NF1: variants seen among roughly 807,000 people sequenced by gnomAD.
The protein encoded by NF1 is neurofibromin 1.
NF1 carries 122 observed loss-of-function variants against 325.7 expected under a neutral mutation model. The observed-to-expected ratio is 0.37, with a 90% confidence interval of 0.32 to 0.44. The LOEUF (loss-of-function observed/expected upper bound fraction) is 0.44. NF1 is among the 20% of genes least tolerant of loss of function. NF1 has a pLI of 1.00. For missense variants in NF1, 2,140 were observed against 3,415.4 expected (o/e 0.63, Z 9.31); for synonymous variants, 1,091 against 1,186.0 (o/e 0.92, Z 1.65).
At chr17:31,117,082 A>G (rs1913983675) in intron 1 of NF1, among the ~76,000 whole-genome samples, 1 of 151,320 alleles carries the variant, frequency 6.6e-6, no homozygotes, top group African/African-American at 2.4e-5. Flanking sequence ...CCTGAGTTCA[A>G]GCAATTCTCC....
chr17:31,246,183 G>C (rs1277820306), intron 29 of NF1, among the ~76,000 whole-genome samples: 2 of 152,212 alleles, frequency 1.3e-5, no homozygotes, highest in African/African-American at 4.8e-5. Flanking sequence ...CTCAGCACCT[G>C]ATACTAAGAT....
chr17:31,185,050 C>T (rs2066213994), intron 8 of NF1, among the ~76,000 whole-genome samples: 1 of 152,176 alleles, frequency 6.6e-6, no homozygotes, highest in South Asian at 2.1e-4. Context: ...TGGCAACATC[C>T]CCTCCCTGAG....
chr17:31,314,924 C>T lies in NF1; in HGVS notation c.4836-10896C>T, dbSNP rs371650812. On this transcript the variant is annotated intron_variant, in intron 36 of 57. Transcript: ENST00000358273. ...TACTGATTTACATTCCCACTAACAG[C>T]GTACGAGAGTTCCATTTTCTCCACA... Among the ~76,000 whole-genome samples, 16 of 152,254 alleles carry T rather than the reference C, an allele frequency of 1.1e-4. 1 individual carries two copies. Among genetic ancestry groups the T allele is most frequent in the African/African-American group, 3.4e-4 (14 of 41,548 alleles).
At chr17:31,368,942 T>C (rs2070582465) in intron 57 of NF1, among the ~76,000 whole-genome samples, 1 of 152,230 alleles carries the variant, frequency 6.6e-6, no homozygotes, top group Admixed American at 6.5e-5. Context: ...ATAAACTAAA[T>C]GCAGAGTAAG....
intron 36 of NF1, among the ~76,000 whole-genome samples, chr17:31,325,027 A>G (rs2069306352): frequency 2.0e-5 from 3 of 152,168 alleles, no homozygotes; most frequent in Admixed American, 6.5e-5. Context: ...GGGCTTTTTC[A>G]TGGTCCTCAC....
chr17:31,165,290 T>G (rs1468717931), intron 4 of NF1, among the ~76,000 whole-genome samples: 1 of 152,222 alleles, frequency 6.6e-6, no homozygotes, highest in African/African-American at 2.4e-5. Flanking sequence ...GTCTAAAATT[T>G]TATTAGCTTT....
chr17:31,172,116 G>A (rs2065936519), intron 5 of NF1, among the ~76,000 whole-genome samples: 6 of 152,080 alleles, frequency 3.9e-5, no homozygotes, highest in Admixed American at 3.9e-4. Flanking sequence ...TGGGGAAGCC[G>A]AGGCAGGAGG....
chr17:31,257,992 A>T (rs1567861653), intron 31 of NF1, among the ~76,000 whole-genome samples: 1 of 152,096 alleles, frequency 6.6e-6, no homozygotes, highest in Non-Finnish European at 1.5e-5. Flanking sequence ...AATCTTAGTA[A>T]ATTATGATCA....
At chr17:31,231,529 G>A (rs573695711) in intron 24 of NF1, among the ~76,000 whole-genome samples, 2 of 152,142 alleles carry the variant, frequency 1.3e-5, no homozygotes, top group East Asian at 1.9e-4. Context: ...AAAATCCACA[G>A]ATGCTCAAGT....
chr17:31,338,282 G>C, intron 45 of NF1, 143 bp downstream of exon 45: 2 of 691,148 alleles, frequency 2.9e-6, no homozygotes, highest in Non-Finnish European at 5.1e-6. Context: ...AATGTATTTT[G>C]ATTATTTATT....
intron 1 of NF1, among the ~76,000 whole-genome samples, chr17:31,144,601 A>C (rs2143553031): frequency 6.6e-6 from 1 of 152,182 alleles, no homozygotes; most frequent in African/African-American, 2.4e-5. Flanking sequence ...CTGGCTCCTC[A>C]GTGTTTCTTG....
chr17:31,163,140 A>C, intron 3 of NF1, 46 bp from the exon 4 acceptor site: 1 of 1,589,156 alleles, frequency 6.3e-7, no homozygotes, highest in Non-Finnish European at 8.6e-7. Context: ...GAAAATGTTT[A>C]CAGGTAAAAT....
intron 57 of NF1, among the ~76,000 whole-genome samples, chr17:31,362,941 T>TA (rs1247811108): frequency 6.6e-6 from 1 of 152,230 alleles, no homozygotes; most frequent in Non-Finnish European, 1.5e-5. Context: ...GAAACAGTCT[T>TA]ACTCTACAAC....
intron 52 of NF1, 76 bp from the exon 53 acceptor site, chr17:31,356,884 T>G: frequency 6.3e-7 from 1 of 1,584,356 alleles, no homozygotes; most frequent in Non-Finnish European, 8.6e-7. Context: ...TGTTGAATTT[T>G]AGAAGTAACA....
At chr17:31,278,493 CTTTTTTTTTTTTTTTT>C (rs200450821) in intron 36 of NF1, among the ~76,000 whole-genome samples, 613 of 15,236 alleles carry the variant, frequency 0.04, 1 homozygote, top group Non-Finnish European at 0.054. Flanking sequence ...GTAATTGAAG[CTTTTTTTTTTTTTTTT>C]TTTTTTTTTT....
intron 14 of NF1, among the ~76,000 whole-genome samples, chr17:31,221,196 G>T (rs1040383866): frequency 4.6e-5 from 7 of 151,758 alleles, no homozygotes; most frequent in Non-Finnish European, 7.4e-5. Flanking sequence ...TATCTTTGAT[G>T]GTTTTAATTT....
At chr17:31,326,572 G>A (rs887189412) in intron 37 of NF1, among the ~76,000 whole-genome samples, 1 of 152,060 alleles carries the variant, frequency 6.6e-6, no homozygotes, top group African/African-American at 2.4e-5. Context: ...GCTTGAACCC[G>A]GGAGGTGGAG....
At chr17:31,268,624 TA>T (rs1296165385) in intron 36 of NF1, among the ~76,000 whole-genome samples, 1,339 of 118,256 alleles carry the variant, frequency 0.011, 18 homozygotes, top group African/African-American at 0.032. Flanking sequence ...AGACTCTGTC[TA>T]AAAAAAAAAA....
At position 31,342,727 on chromosome 17, in the gene NF1, T is replaced by A. The variant is rs1027004159; in HGVS notation, c.7063-282T>A. Among the ~76,000 whole-genome samples the A allele has an allele frequency of 2.6e-5, 4 of 152,354 alleles. No individual in the cohort carries two copies. The South Asian group carries it at 6.2e-4, about 24-fold the overall frequency. Reference sequence around the variant, plus strand: ...CTAGGCATCAGAGTTAATAAGCATGTTAAAAGTCACCGGGATGTAAATTGA... The same window carrying A: ...CTAGGCATCAGAGTTAATAAGCATGATAAAAGTCACCGGGATGTAAATTGA... On this transcript the variant is annotated intron_variant, in intron 47 of 57. Coordinates refer to ENST00000358273, the MANE Select transcript of NF1 (RefSeq NM_001042492.3).
Sources: gnomAD v4.1 joint callset for allele counts (sites outside exome capture counted in the v4.1 genomes callset) on GRCh38, gnomAD v4.1.1 for gene constraint, MANE v1.5 for transcripts, NCBI Gene and HGNC (gene_info 2026-07-23, HGNC 2026-07-21) for gene names.